DNAH7: variants seen among roughly 807,000 people sequenced by gnomAD.
DNAH7 encodes the protein dynein axonemal heavy chain 7, also known as axonemal beta dynein heavy chain 7.
Under a neutral mutation model 444.6 loss-of-function variants are expected in DNAH7, and 397 were observed. That is an observed-to-expected ratio of 0.89 (90% CI 0.82 to 0.97). The LOEUF is 0.97. Among genes scored for constraint, DNAH7 ranks in the 50% least tolerant of loss-of-function variants. The pLI, the probability that DNAH7 is intolerant of heterozygous loss-of-function variation, is 0.00. For missense variants in DNAH7, 4,902 were observed against 4,800.8 expected (o/e 1.02, Z -0.62); for synonymous variants, 1,636 against 1,624.4 (o/e 1.01, Z -0.17).
At chr2:195,972,712 T>C (rs1355589650) in intron 15 of DNAH7, among the ~76,000 whole-genome samples, 2 of 152,008 alleles carry the variant, frequency 1.3e-5, no homozygotes, top group East Asian at 1.9e-4. Context: ...GGAGGAGTGC[T>C]GTGGGTTCAC....
intron 60 of DNAH7, among the ~76,000 whole-genome samples, 197 bp downstream of exon 60, chr2:195,775,649 A>G (rs768389671): frequency 2.5e-4 from 9 of 36,530 alleles, no homozygotes; most frequent in African/African-American, 6.1e-4. Context: ...AAGATAGATG[A>G]AAAAAAAAAA....
At chr2:195,871,630 A>G (rs1700695911) in intron 40 of DNAH7, among the ~76,000 whole-genome samples, 1 of 152,056 alleles carries the variant, frequency 6.6e-6, no homozygotes, top group South Asian at 2.1e-4. Context: ...TCTTATAAAA[A>G]CATCTCCTTA....
At chr2:195,967,892 G>A (rs1012264113) in intron 17 of DNAH7, among the ~76,000 whole-genome samples, 2 of 152,116 alleles carry the variant, frequency 1.3e-5, no homozygotes, top group Non-Finnish European at 2.9e-5. Flanking sequence ...TCCAGGTTTG[G>A]TGTTCTATTC....
At chr2:195,901,734 T>C (rs1440775326) in intron 27 of DNAH7, 1 of 152,202 alleles carries the variant, frequency 6.6e-6, no homozygotes, top group South Asian at 2.1e-4. Flanking sequence ...CTTTTTTGAA[T>C]CTGAAGTCAC....
intron 28 of DNAH7, among the ~76,000 whole-genome samples, chr2:195,898,824 A>G (rs1488182264): frequency 6.6e-6 from 1 of 152,240 alleles, no homozygotes; most frequent in Non-Finnish European, 1.5e-5. Flanking sequence ...AAAGTTTACT[A>G]CAAATCTGGT....
At chr2:195,829,368 T>C (rs1697950362) in intron 48 of DNAH7, among the ~76,000 whole-genome samples, 2 of 152,106 alleles carry the variant, frequency 1.3e-5, no homozygotes, top group Admixed American at 1.3e-4. Flanking sequence ...GGCCCTACTA[T>C]ATCAATTGTT....
At chr2:195,964,722 A>AT (rs1691354407) in intron 17 of DNAH7, among the ~76,000 whole-genome samples, 1 of 150,688 alleles carries the variant, frequency 6.6e-6, no homozygotes, top group Non-Finnish European at 1.5e-5. Flanking sequence ...AAAAAAAAAA[A>AT]AAAATTAGCC....
Position 195,928,029 on chromosome 2 carries a change from G to GGGC in DNAH7, c.3472-1464_3472-1463insGCC, listed in dbSNP as rs1193500540. Among the ~76,000 whole-genome samples the GGGC allele has an allele frequency of 1.3e-5, 2 of 152,094 alleles. 1 individual carries two copies. The highest frequency in any genetic ancestry group is 4.8e-5 in the African/African-American group (2 of 41,430). ...CATGGGCATATTGCACCAAGGTAGT[G>GGGC]AGCATAGTGCCCAATAGTTAGTTTT... is the stretch of plus-strand genomic sequence containing the variant. On this transcript the variant is annotated intron_variant, in intron 21 of 64. Coordinates refer to ENST00000312428, the MANE Select transcript of DNAH7 (RefSeq NM_018897.3).
Position 195,897,766 on chromosome 2 carries a change from C to CT in DNAH7, c.4549-2dup, listed in dbSNP as rs1702412606. On this transcript the variant is annotated splice_acceptor_variant, in intron 28 of 64. Coordinates refer to ENST00000312428, the MANE Select transcript of DNAH7 (RefSeq NM_018897.3). LOFTEE classifies it high-confidence loss of function. ...CTTCATTTTCATTTGGATATTTCAG[C>CT]TAAAAAAAAAAAAAAAAACTCATGA... 2.2e-6 allele frequency: 3 copies of CT among 1,341,198 alleles called. No homozygotes were observed. The highest frequency in any genetic ancestry group is 4.9e-5 in the East Asian group (2 of 40,564). 83.1% of individuals were successfully genotyped at this position (1,341,198 alleles called of 1,614,324 possible).
At chr2:196,058,717 T>C (rs966197544) in intron 1 of DNAH7, among the ~76,000 whole-genome samples, 1 of 152,176 alleles carries the variant, frequency 6.6e-6, no homozygotes, top group African/African-American at 2.4e-5. Flanking sequence ...ACAACCCATG[T>C]TCATGGATTG....
chr2:195,806,612 A>C (rs1285336438), intron 54 of DNAH7, 128 bp downstream of exon 54: 6 of 634,210 alleles, frequency 9.5e-6, no homozygotes, highest in Non-Finnish European at 1.5e-5. Flanking sequence ...TGCATTAGAA[A>C]GAAGTGGGAT....
chr2:195,769,725 T>C (rs1408200589), intron 61 of DNAH7, among the ~76,000 whole-genome samples: 2 of 152,210 alleles, frequency 1.3e-5, no homozygotes, highest in African/African-American at 4.8e-5. Flanking sequence ...CTTCTTTCTT[T>C]GGCCTCTCAG....
intron 20 of DNAH7, among the ~76,000 whole-genome samples, chr2:195,935,528 A>C (rs1559243169): frequency 6.6e-6 from 1 of 152,182 alleles, no homozygotes; most frequent in African/African-American, 2.4e-5. Flanking sequence ...TCTTCTAAAG[A>C]TTGGGGAATC....
chr2:195,929,459 CCAACTT>C (rs1430515323), intron 21 of DNAH7, among the ~76,000 whole-genome samples: 1 of 152,148 alleles, frequency 6.6e-6, no homozygotes, highest in Non-Finnish European at 1.5e-5. Context: ...ATTACATTAG[CCAACTT>C]CAAAGTATAT....
At chr2:195,948,880 G>A (rs1022366469) in intron 19 of DNAH7, among the ~76,000 whole-genome samples, 1 of 151,874 alleles carries the variant, frequency 6.6e-6, no homozygotes, top group Non-Finnish European at 1.5e-5. Flanking sequence ...TAATTACTTT[G>A]GGCAGTATGG....
intron 63 of DNAH7, among the ~76,000 whole-genome samples, chr2:195,750,266 T>G (rs1463544986): frequency 1.3e-5 from 2 of 152,196 alleles, no homozygotes; most frequent in Non-Finnish European, 2.9e-5. Flanking sequence ...AACTACCCTG[T>G]ACAATAATTA....
chr2:195,807,588 T>C (rs1696772091), intron 53 of DNAH7, among the ~76,000 whole-genome samples: 1 of 152,338 alleles, frequency 6.6e-6, no homozygotes, highest in Non-Finnish European at 1.5e-5. Context: ...TTTTTAAAAA[T>C]ACTGTTTTAT....
Position 195,881,912 on chromosome 2 carries a change from G to A in DNAH7, c.5844C>T (p.Ile1948=). The change falls in exon 36 of 65, where the codon ATC becomes ATT. Residue 1948 remains isoleucine (I), a synonymous_variant. Coordinates refer to ENST00000312428, the MANE Select transcript of DNAH7 (RefSeq NM_018897.3). ...GAATTGTGTCCAGAGTTGGCACAATGATTTCATTAAACATTACATCTTTAG... is the reference window on the plus strand; with the variant it reads ...GAATTGTGTCCAGAGTTGGCACAATAATTTCATTAAACATTACATCTTTAG... ...PIPKDVMFNE[I]IVPTLDTIRY... is the part of the protein sequence containing the mutation. The A allele has an allele frequency of 1.2e-6, 2 of 1,613,942 alleles. No homozygotes were observed. The highest frequency in any genetic ancestry group is 2.2e-5 in the South Asian group (2 of 91,080).
At chr2:195,822,602 C>A (rs1697524475) in intron 49 of DNAH7, among the ~76,000 whole-genome samples, 1 of 152,104 alleles carries the variant, frequency 6.6e-6, no homozygotes, top group Admixed American at 6.6e-5. Context: ...CCTGTTTAAT[C>A]AATCCCAGCA....
Sources: gnomAD v4.1 joint callset for allele counts (sites outside exome capture counted in the v4.1 genomes callset) on GRCh38, gnomAD v4.1.1 for gene constraint, MANE v1.5 for transcripts, NCBI Gene and HGNC (gene_info 2026-07-23, HGNC 2026-07-21) for gene names.